The following GTF2I variants were observed in gnomAD, a reference collection of about 807,000 sequenced individuals.
GTF2I encodes general transcription factor II-I.
GTF2I carries 12 observed loss-of-function variants against 67.6 expected under a neutral mutation model. The ratio of observed to expected loss-of-function variants is 0.18; its 90% CI spans 0.11 to 0.29. The LOEUF (loss-of-function observed/expected upper bound fraction) is 0.29, where lower values mean the gene tolerates loss of function less well. Among genes scored for constraint, GTF2I ranks in the 10% least tolerant of loss-of-function variants. The probability of loss-of-function intolerance (pLI) is 1.00; values close to 1 mark genes in which losing one functional copy is unlikely to be tolerated. For missense variants in GTF2I, 271 were observed against 580.1 expected, an observed-to-expected ratio of 0.47 and a Z score of 5.47; for synonymous variants, 149 against 197.0, an observed-to-expected ratio of 0.76 and a Z score of 2.04.
At chr7:74,717,485 A>G (rs1792401878) in intron 11 of GTF2I, among the ~76,000 whole-genome samples, 1 of 152,180 alleles carries the variant, frequency 6.6e-6, no homozygotes, top group Non-Finnish European at 1.5e-5. Context: ...TGACTGAGGT[A>G]CAGTTCTTTT....
At chr7:74,673,386 T>A (rs1343470991) in intron 1 of GTF2I, among the ~76,000 whole-genome samples, 1 of 152,100 alleles carries the variant, frequency 6.6e-6, no homozygotes, top group Non-Finnish European at 1.5e-5. Flanking sequence ...TTTGTTTTTG[T>A]TTTGTCTGAG....
At chr7:74,709,742 C>T (rs781938491) in intron 8 of GTF2I, among the ~76,000 whole-genome samples, 22 of 151,592 alleles carry the variant, frequency 1.5e-4, no homozygotes, top group Non-Finnish European at 2.9e-4. Flanking sequence ...GTACCATCTC[C>T]GCTCACTGCA....
intron 10 of GTF2I, among the ~76,000 whole-genome samples, chr7:74,716,396 T>G (rs1379226280): frequency 1.3e-5 from 2 of 152,142 alleles, no homozygotes; most frequent in Admixed American, 1.3e-4. Context: ...AGTACAACTT[T>G]GATGAAATTA....
rs782765607 is a variant in GTF2I at position 74,714,816 on chromosome 7, G to A, written c.764-41G>A. On this transcript the variant is annotated intron_variant, in intron 9 of 34. Coordinates refer to ENST00000573035, the MANE Select transcript of GTF2I (RefSeq NM_032999.4). ...CTAAAGTCACCCCACATTTTTTTTT[G>A]GGGGGGATTACTTTTGAAGTATTAT... 17 of 1,340,004 alleles carry A rather than the reference G, an allele frequency of 1.3e-5. No homozygotes were observed. In the East Asian group the frequency reaches 4.0e-4, roughly 31 times the overall value. The allele number at this position is 1,340,004 out of a possible 1,614,324, so 83.0% of individuals were successfully genotyped here. A position where few individuals can be genotyped will look rare whatever the true frequency, so the allele number is the denominator to read the frequency against.
intron 9 of GTF2I, among the ~76,000 whole-genome samples, chr7:74,713,222 CAGG>C (rs1791843209): frequency 6.6e-6 from 1 of 152,030 alleles, no homozygotes; most frequent in African/African-American, 2.4e-5. Context: ...ACAGTAGTAG[CAGG>C]ATAGAATAAG....
intron 1 of GTF2I, among the ~76,000 whole-genome samples, chr7:74,668,331 TTGTGTG>T (rs71094802): frequency 0.79 from 116,046 of 147,698 alleles, 45,641 homozygotes; most frequent in East Asian, 0.94. Flanking sequence ...GCAAAGCCCA[TTGTGTG>T]TGTGTGTGTG....
chr7:74,685,082 C>T (rs1554395103), intron 1 of GTF2I, among the ~76,000 whole-genome samples: 1 of 152,200 alleles, frequency 6.6e-6, no homozygotes, highest in Non-Finnish European at 1.5e-5. Context: ...TGCAAGCAGT[C>T]TGATTGGTTG....
chr7:74,733,987 T>G lies in GTF2I; in HGVS notation c.1363+6T>G. ...TGATAAGCCAGCTTCAGGAGGTAGG[T>G]CTTCAATCTCGAGGCAGATCAGAAG... On this transcript the variant is annotated splice_donor_region_variant and intron_variant, in intron 16 of 34. Transcript: ENST00000573035. The G allele has an allele frequency of 6.2e-7, 1 of 1,606,360 alleles. No individual in the cohort carries two copies. Among genetic ancestry groups the G allele is most frequent in the African/African-American group, 1.3e-5 (1 of 74,366 alleles).
chr7:74,703,750 T>C (rs929835767), intron 6 of GTF2I, among the ~76,000 whole-genome samples: 10 of 152,262 alleles, frequency 6.6e-5, no homozygotes, highest in East Asian at 1.9e-4. Flanking sequence ...ATATGACTTC[T>C]GTGTTTTCTT....
At chr7:74,721,330 C>T (rs782247670) in intron 12 of GTF2I, among the ~76,000 whole-genome samples, 4 of 152,134 alleles carry the variant, frequency 2.6e-5, no homozygotes, top group Admixed American at 6.5e-5. Flanking sequence ...CATGAGCCAC[C>T]GCACCTGGCC....
chr7:74,728,415 A>G (rs1554406150), intron 12 of GTF2I, among the ~76,000 whole-genome samples: 3 of 149,206 alleles, frequency 2.0e-5, no homozygotes, highest in Admixed American at 6.7e-5. Flanking sequence ...GCTGTACTCT[A>G]TCCCCTTTTA....
intron 1 of GTF2I, among the ~76,000 whole-genome samples, chr7:74,662,429 C>T (rs1282759282): frequency 1.3e-5 from 2 of 148,398 alleles, no homozygotes; most frequent in Non-Finnish European, 3.0e-5. Flanking sequence ...AGGCTGGTCT[C>T]GAACTCCTGA....
At chr7:74,711,348 G>C (rs781837518) in intron 9 of GTF2I, among the ~76,000 whole-genome samples, 9 of 152,172 alleles carry the variant, frequency 5.9e-5, no homozygotes, top group Non-Finnish European at 1.3e-4. Flanking sequence ...ATGAGCAAAA[G>C]TTGTGGCACA....
intron 1 of GTF2I, among the ~76,000 whole-genome samples, chr7:74,682,300 CTG>C (rs1248831451): frequency 6.6e-6 from 1 of 152,120 alleles, no homozygotes; most frequent in African/African-American, 2.4e-5. Flanking sequence ...ACAACCAACA[CTG>C]TTGTAAAATT....
Position 74,705,808 on chromosome 7 carries a change from C to T in GTF2I, c.642-582C>T, listed in dbSNP as rs587650151. On this transcript the variant is annotated intron_variant, in intron 7 of 34. Transcript: ENST00000573035. Reference sequence around the variant, plus strand: ...CGAACTCCTGACCTCGGGTGATCCACCTGCCTCGGCCTCCCAAAGTACTGG... The same window carrying T: ...CGAACTCCTGACCTCGGGTGATCCATCTGCCTCGGCCTCCCAAAGTACTGG... 1.2e-3 allele frequency among the ~76,000 whole-genome samples: 180 copies of T among 152,170 alleles called. 1 individual carries two copies. Among genetic ancestry groups the T allele is most frequent in the African/African-American group, 4.1e-3 (171 of 41,520 alleles).
At chr7:74,708,342 A>G (rs1791051151) in intron 8 of GTF2I, among the ~76,000 whole-genome samples, 1 of 152,234 alleles carries the variant, frequency 6.6e-6, no homozygotes, top group Non-Finnish European at 1.5e-5. Context: ...AACTGGTTAT[A>G]AAATTGTTAA....
chr7:74,665,400 C>T (rs1347638084), intron 1 of GTF2I, among the ~76,000 whole-genome samples: 5 of 151,874 alleles, frequency 3.3e-5, no homozygotes, highest in Admixed American at 6.6e-5. Flanking sequence ...TATAGGCATG[C>T]GCCACCACAC....
At chr7:74,706,579 G>T in intron 8 of GTF2I, 146 bp downstream of exon 8, 1 of 625,782 alleles carries the variant, frequency 1.6e-6, no homozygotes, top group South Asian at 2.2e-5. Context: ...GACACTATTT[G>T]TTAATGTTAT....
At chr7:74,679,140 G>A (rs374174808) in intron 1 of GTF2I, among the ~76,000 whole-genome samples, 1 of 151,348 alleles carries the variant, frequency 6.6e-6, no homozygotes, top group Admixed American at 6.6e-5. Context: ...GTGCAGTGGC[G>A]TGAACTTGGA....
Sources: gnomAD v4.1 joint callset for allele counts (sites outside exome capture counted in the v4.1 genomes callset) on GRCh38, gnomAD v4.1.1 for gene constraint, MANE v1.5 for transcripts, NCBI Gene and HGNC (gene_info 2026-07-23, HGNC 2026-07-21) for gene names.